PCSK2: variants seen among roughly 807,000 people sequenced by gnomAD.
The protein encoded by PCSK2 is proprotein convertase subtilisin/kexin type 2.
In PCSK2, 14 loss-of-function variants were observed where a neutral mutation model predicts 69.7. The ratio of observed to expected loss-of-function variants is 0.20; its 90% CI spans 0.13 to 0.31. The LOEUF (loss-of-function observed/expected upper bound fraction) is 0.31, where lower values mean the gene tolerates loss of function less well. Ranked by LOEUF, PCSK2 falls within the 10% of genes least tolerant of loss-of-function variation. The pLI, the probability that PCSK2 is intolerant of heterozygous loss-of-function variation, is 1.00. For missense variants in PCSK2, 544 were observed against 842.5 expected (o/e 0.65, Z 4.39); for synonymous variants, 307 against 320.7 (o/e 0.96, Z 0.46).
Position 17,388,920 on chromosome 20 carries a change from G to A in PCSK2, c.543+19643G>A, listed in dbSNP as rs184701686. On this transcript the variant is annotated intron_variant, in intron 5 of 11. Coordinates refer to ENST00000262545, the MANE Select transcript of PCSK2 (RefSeq NM_002594.5). The stretch of plus-strand genomic sequence containing the variant: ...AAGCAGGGGCCTGTATCTACTCTGG[G>A]GCTCATTATATTCTGAGTGACAACG... 6.8e-4 allele frequency among the ~76,000 whole-genome samples: 103 copies of A among 152,106 alleles called. 1 individual carries two copies. The highest frequency in any genetic ancestry group is 1.5e-3 in the South Asian group (7 of 4,810).
At chr20:17,297,357 C>A (rs928592071) in intron 2 of PCSK2, among the ~76,000 whole-genome samples, 1 of 152,136 alleles carries the variant, frequency 6.6e-6, no homozygotes, top group African/African-American at 2.4e-5. Context: ...TTTGGTAACT[C>A]CATTGAGGTG....
chr20:17,480,440 C>T (rs1229906854), intron 11 of PCSK2, among the ~76,000 whole-genome samples: 2 of 152,156 alleles, frequency 1.3e-5, no homozygotes, highest in African/African-American at 2.4e-5. Context: ...CCGCCCGCCT[C>T]GGCCTCCCAA....
intron 2 of PCSK2, among the ~76,000 whole-genome samples, chr20:17,284,251 C>T (rs1052632264): frequency 3.3e-5 from 5 of 152,160 alleles, no homozygotes; most frequent in African/African-American, 1.2e-4. Flanking sequence ...CAGTCACATC[C>T]AGGTCTTCAG....
intron 5 of PCSK2, 102 bp downstream of exon 5, chr20:17,369,379 C>A (rs2030691555): frequency 6.8e-6 from 6 of 883,644 alleles, no homozygotes; most frequent in African/African-American, 1.6e-5. Context: ...TATACACATG[C>A]ATGCAAGTAC....
At chr20:17,257,858 G>A (rs1987235411) in intron 1 of PCSK2, among the ~76,000 whole-genome samples, 1 of 152,134 alleles carries the variant, frequency 6.6e-6, no homozygotes, top group South Asian at 2.1e-4. Flanking sequence ...TTAGAGCTTT[G>A]TAAAGCCTTC....
At chr20:17,359,589 CAT>C (rs1348912529) in intron 3 of PCSK2, among the ~76,000 whole-genome samples, 2 of 152,178 alleles carry the variant, frequency 1.3e-5, no homozygotes, top group Non-Finnish European at 2.9e-5. Context: ...AAAAATGGCA[CAT>C]GAGATCACAT....
chr20:17,373,359 T>C (rs1011541427), intron 5 of PCSK2, among the ~76,000 whole-genome samples: 1 of 152,018 alleles, frequency 6.6e-6, no homozygotes, highest in Non-Finnish European at 1.5e-5. Context: ...GAAGCTGGGG[T>C]ATTTATGTGA....
At chr20:17,336,754 A>C (rs981363261) in intron 2 of PCSK2, among the ~76,000 whole-genome samples, 3 of 152,190 alleles carry the variant, frequency 2.0e-5, no homozygotes, top group Non-Finnish European at 4.4e-5. Flanking sequence ...ATAGTGGAAA[A>C]TATTTCCAAC....
intron 2 of PCSK2, among the ~76,000 whole-genome samples, chr20:17,315,583 G>A (rs938373695): frequency 2.2e-4 from 33 of 152,346 alleles, no homozygotes; most frequent in Admixed American, 1.5e-3. Flanking sequence ...ACGGGCAGGG[G>A]CGGAGCTGAG....
At chr20:17,343,450 A>G (rs1990564131) in intron 2 of PCSK2, among the ~76,000 whole-genome samples, 1 of 152,226 alleles carries the variant, frequency 6.6e-6, no homozygotes, top group African/African-American at 2.4e-5. Flanking sequence ...CCCTGCACAG[A>G]TATCTTCAGT....
chr20:17,446,642 G>A (rs572193410), intron 8 of PCSK2, among the ~76,000 whole-genome samples: 6 of 152,302 alleles, frequency 3.9e-5, no homozygotes, highest in East Asian at 1.9e-4. Context: ...TGCAAATGTC[G>A]AAGATGTTTG....
intron 5 of PCSK2, among the ~76,000 whole-genome samples, chr20:17,376,993 T>G (rs1484017118): frequency 6.6e-6 from 1 of 152,196 alleles, no homozygotes; most frequent in Non-Finnish European, 1.5e-5. Context: ...ACCTCATAGG[T>G]GGATGCCACC....
upstream of PCSK2, chr20:17,226,968 C>T (rs1985933890): frequency 6.0e-6 from 1 of 167,508 alleles, no homozygotes; most frequent in Non-Finnish European, 1.3e-5. Flanking sequence ...GTGCTCTCCC[C>T]CAGCCCCTAG....
intron 2 of PCSK2, among the ~76,000 whole-genome samples, chr20:17,320,644 T>C (rs2123130427): frequency 6.6e-6 from 1 of 152,234 alleles, no homozygotes; most frequent in African/African-American, 2.4e-5. Flanking sequence ...ATCCACCCAA[T>C]GGGAAGAAAG....
At chr20:17,229,775 T>C (rs537268786) in intron 1 of PCSK2, among the ~76,000 whole-genome samples, 2 of 152,172 alleles carry the variant, frequency 1.3e-5, no homozygotes, top group South Asian at 4.2e-4. Context: ...TTTGGATCCA[T>C]GTCTTGTCCA....
intron 2 of PCSK2, among the ~76,000 whole-genome samples, chr20:17,270,202 T>G (rs1987806717): frequency 6.6e-6 from 1 of 152,146 alleles, no homozygotes; most frequent in Non-Finnish European, 1.5e-5. Context: ...AAAAAAAATT[T>G]TTTTTAATAC....
intron 2 of PCSK2, among the ~76,000 whole-genome samples, chr20:17,272,343 A>AT (rs1987901674): frequency 6.6e-6 from 1 of 152,042 alleles, no homozygotes. Flanking sequence ...TCATTTTAGC[A>AT]TTTTGTGGAA....
intron 1 of PCSK2, among the ~76,000 whole-genome samples, chr20:17,244,256 A>C (rs1030080836): frequency 2.0e-5 from 3 of 152,234 alleles, no homozygotes; most frequent in African/African-American, 7.2e-5. Context: ...ATAAGTCTGA[A>C]ATTATTTCAA....
chr20:17,478,871 A>G (rs2033338949), intron 11 of PCSK2, among the ~76,000 whole-genome samples: 3 of 152,188 alleles, frequency 2.0e-5, no homozygotes, highest in African/African-American at 7.2e-5. Flanking sequence ...ATTTTTTGCT[A>G]GCATTAAATT....
Sources: gnomAD v4.1 joint callset for allele counts (sites outside exome capture counted in the v4.1 genomes callset) on GRCh38, gnomAD v4.1.1 for gene constraint, MANE v1.5 for transcripts, NCBI Gene and HGNC (gene_info 2026-07-23, HGNC 2026-07-21) for gene names.